The following GLRA3 variants were observed in gnomAD, a reference collection of about 807,000 sequenced individuals.
The protein encoded by GLRA3 is glycine receptor subunit alpha-3.
A neutral mutation model predicts 60.4 loss-of-function variants in GLRA3; 44 were observed. That is an observed-to-expected ratio of 0.73 (90% CI 0.57 to 0.94). The LOEUF (loss-of-function observed/expected upper bound fraction) is 0.94. GLRA3 is among the 40% of genes least tolerant of loss of function. GLRA3 has a pLI of 0.00. For missense variants in GLRA3, 508 were observed against 564.6 expected (o/e 0.90, Z 1.02); for synonymous variants, 223 against 192.9 (o/e 1.16, Z -1.29).
rs1261526886 is a variant in GLRA3 at position 174,738,890 on chromosome 4, A to G, written c.268-10192T>C. Among the ~76,000 whole-genome samples, 9 of 152,296 alleles carry G rather than the reference A, an allele frequency of 5.9e-5. No homozygotes were observed. In the East Asian group the frequency reaches 1.2e-3, roughly 20 times the overall value. On this transcript the variant is annotated intron_variant, in intron 3 of 9. Transcript: ENST00000274093. ...GCCACATAATATACTGCTTACCACA[A>G]GTGACACCATCTCATAGGCAAGGTC...
intron 9 of GLRA3, among the ~76,000 whole-genome samples, chr4:174,649,631 C>T (rs894110911): frequency 2.0e-5 from 3 of 152,040 alleles, no homozygotes; most frequent in Non-Finnish European, 2.9e-5. Context: ...GTCTGGCCTA[C>T]GATAAAGCTA....
At chr4:174,665,926 G>A (rs1733649392) in intron 7 of GLRA3, among the ~76,000 whole-genome samples, 1 of 152,018 alleles carries the variant, frequency 6.6e-6, no homozygotes, top group Non-Finnish European at 1.5e-5. Context: ...GTGTTCATAT[G>A]GTAACACTTA....
At chr4:174,818,266 T>G (rs974199674) in intron 1 of GLRA3, among the ~76,000 whole-genome samples, 2 of 152,196 alleles carry the variant, frequency 1.3e-5, no homozygotes, top group African/African-American at 4.8e-5. Context: ...GCATATATCT[T>G]GGCTTTTTAC....
At chr4:174,705,630 C>G (rs1367217819) in intron 5 of GLRA3, among the ~76,000 whole-genome samples, 1 of 140,080 alleles carries the variant, frequency 7.1e-6, no homozygotes, top group African/African-American at 2.5e-5. Flanking sequence ...TCCGGACAAC[C>G]AACTTGATGT....
intron 7 of GLRA3, among the ~76,000 whole-genome samples, chr4:174,661,462 G>A (rs1009683602): frequency 2.6e-5 from 4 of 152,084 alleles, no homozygotes; most frequent in African/African-American, 7.2e-5. Flanking sequence ...TTAATATAAT[G>A]GTAGAACCAG....
intron 2 of GLRA3, among the ~76,000 whole-genome samples, chr4:174,777,925 C>T (rs1738670612): frequency 6.6e-6 from 1 of 152,092 alleles, no homozygotes; most frequent in Admixed American, 6.6e-5. Flanking sequence ...AGCATTACTC[C>T]TGTCTTGAAA....
In GLRA3 at chr4:174,766,970, G is replaced by C. The variant is rs200648761; in HGVS notation, c.260C>G (p.Thr87Arg). 24 of 1,568,078 alleles carry C rather than the reference G, an allele frequency of 1.5e-5. No homozygotes were observed. The Admixed American group carries it at 4.1e-4, about 27-fold the overall frequency. ...GCAAAGTAAAATGCCTACCATGGTC[G>C]TCTCTGCGATAGAGCCAAAGCTGTT... is the stretch of plus-strand genomic sequence containing the variant. ...FINSFGSIAE[T>R]TMDYRVNIFL... is the part of the protein sequence containing the mutation. Residue 87 changes from threonine (T) to arginine (R), a missense_variant, in exon 3 of 10, where the codon ACG becomes AGG. Physicochemically the swap from Thr to Arg is moderately conservative, Grantham distance 71 (BLOSUM62 -1). This residue lies in a region of GLRA3 where 329 missense variants were observed against 349.3 expected (regional missense o/e 0.94). Transcript: ENST00000274093.
intron 4 of GLRA3, among the ~76,000 whole-genome samples, chr4:174,724,050 G>A: frequency 1.9e-5 from 1 of 52,266 alleles, no homozygotes; most frequent in Non-Finnish European, 5.0e-5. Flanking sequence ...ATATATATTT[G>A]TGTGTGTGTG....
At chr4:174,750,706 A>ATGGAT (rs1158697747) in intron 3 of GLRA3, among the ~76,000 whole-genome samples, 1 of 152,148 alleles carries the variant, frequency 6.6e-6, no homozygotes, top group Non-Finnish European at 1.5e-5. Context: ...CTGTTATCAT[A>ATGGAT]AATGGAGCAG....
At chr4:174,688,318 CATATATATATATATATATATAT>C (rs553159490) in intron 5 of GLRA3, among the ~76,000 whole-genome samples, 1,566 of 34,994 alleles carry the variant, frequency 0.045, 58 homozygotes, top group Middle Eastern at 0.079. Flanking sequence ...TACCTGACAT[CATATATATATATATATATATAT>C]ATATATATAT....
intron 3 of GLRA3, among the ~76,000 whole-genome samples, chr4:174,755,306 C>A (rs1008094616): frequency 1.3e-5 from 2 of 151,886 alleles, no homozygotes; most frequent in African/African-American, 4.8e-5. Flanking sequence ...CAATGATGAG[C>A]AAATCACAGA....
intron 2 of GLRA3, 100 bp from the exon 3 acceptor site, chr4:174,767,130 A>G: frequency 1.9e-6 from 1 of 535,330 alleles, no homozygotes; most frequent in East Asian, 3.3e-5. Context: ...TTTTACACAC[A>G]CACACACACA....
chr4:174,734,389 C>T (rs917614816), intron 3 of GLRA3, among the ~76,000 whole-genome samples: 4 of 152,138 alleles, frequency 2.6e-5, no homozygotes, highest in African/African-American at 9.7e-5. Context: ...CTAAGAACCC[C>T]GCCACAGGGA....
intron 1 of GLRA3, among the ~76,000 whole-genome samples, chr4:174,820,046 G>A (rs1267565529): frequency 6.6e-6 from 1 of 152,116 alleles, no homozygotes; most frequent in Non-Finnish European, 1.5e-5. Flanking sequence ...ATATTTAAAA[G>A]AGAAACCATC....
intron 1 of GLRA3, among the ~76,000 whole-genome samples, chr4:174,799,425 T>C (rs1184952772): frequency 2.0e-5 from 3 of 152,198 alleles, no homozygotes; most frequent in Non-Finnish European, 4.4e-5. Flanking sequence ...GCAATCCCTA[T>C]ATTTGGAGAT....
At chr4:174,821,719 C>A (rs933334826) in intron 1 of GLRA3, among the ~76,000 whole-genome samples, 1 of 152,012 alleles carries the variant, frequency 6.6e-6, no homozygotes, top group African/African-American at 2.4e-5. Context: ...TTACACAATA[C>A]AAATTCGGTT....
At chr4:174,707,557 C>T (rs1224589173) in intron 5 of GLRA3, among the ~76,000 whole-genome samples, 1 of 151,634 alleles carries the variant, frequency 6.6e-6, no homozygotes, top group East Asian at 1.9e-4. Context: ...TCGGTTTAGG[C>T]CAATTTTAAT....
intron 3 of GLRA3, among the ~76,000 whole-genome samples, chr4:174,737,242 T>A (rs1219236881): frequency 6.6e-6 from 1 of 152,214 alleles, no homozygotes; most frequent in Non-Finnish European, 1.5e-5. Flanking sequence ...TTTAAAGATA[T>A]CTAGATTTTT....
chr4:174,812,097 C>T (rs1481760931), intron 1 of GLRA3, among the ~76,000 whole-genome samples: 1 of 151,798 alleles, frequency 6.6e-6, no homozygotes, highest in East Asian at 1.9e-4. Context: ...GTTATTTCAC[C>T]AATCAGAAAT....
Sources: gnomAD v4.1 joint callset for allele counts (sites outside exome capture counted in the v4.1 genomes callset) on GRCh38, gnomAD v4.1.1 for gene constraint, gnomAD v4.1.1 regional missense constraint, MANE v1.5 for transcripts, NCBI Gene and HGNC (gene_info 2026-07-23, HGNC 2026-07-21) for gene names.